Variants in ABCB4 observed in about 807,000 individuals in gnomAD.
The protein encoded by ABCB4 is phosphatidylcholine translocator ABCB4.
In ABCB4, 76 loss-of-function variants were observed where a neutral mutation model predicts 145.7. That is an observed-to-expected ratio of 0.52 (90% CI 0.43 to 0.63). The LOEUF (loss-of-function observed/expected upper bound fraction) is 0.63, where lower values mean the gene tolerates loss of function less well. Ranked by LOEUF, ABCB4 falls within the 30% of genes least tolerant of loss-of-function variation. The pLI is 0.00. For synonymous variants in ABCB4, 517 were observed against 566.8 expected, an observed-to-expected ratio of 0.91 and a Z score of 1.25; for missense variants, 1,234 against 1,553.1, an observed-to-expected ratio of 0.79 and a Z score of 3.45.
chr7:87,466,924 A>T (rs1373921461), intron 3 of ABCB4, among the ~76,000 whole-genome samples: 1 of 152,230 alleles, frequency 6.6e-6, no homozygotes, highest in Non-Finnish European at 1.5e-5. Context: ...AGGAACAGCC[A>T]GTACCAGTCA....
intron 3 of ABCB4, among the ~76,000 whole-genome samples, chr7:87,463,645 A>C (rs1237255946): frequency 1.3e-5 from 2 of 152,230 alleles, no homozygotes; most frequent in African/African-American, 2.4e-5. Context: ...GGAATGCTTA[A>C]GTAACCCCTG....
At chr7:87,463,058 C>T (rs1287004051) in intron 3 of ABCB4, 150 bp from the exon 4 acceptor site, 3 of 663,118 alleles carry the variant, frequency 4.5e-6, no homozygotes, top group Non-Finnish European at 7.8e-6. Flanking sequence ...AAATCATTAA[C>T]AACTTAATTT....
At position 87,417,358 on chromosome 7, in the gene ABCB4, G is replaced by A. The variant is rs1360614139; in HGVS notation, c.2636C>T (p.Ala879Val). The A allele has an allele frequency of 1.2e-6, 2 of 1,613,862 alleles. No individual in the cohort carries two copies. The highest frequency in any genetic ancestry group is 1.7e-6 in the Non-Finnish European group (2 of 1,179,994). ...TTTTTTATCTCTTTTGGCATTTCCA[G>A]CCAACAATTTCATTTCAACAATTCC... ...VSGIVEMKLL[A>V]GNAKRDKKEL... The change falls in exon 21 of 28, where the codon GCT (alanine) becomes GTT (valine). Residue 879 changes from alanine (A) to valine (V), a missense_variant. By Grantham distance (64) the Ala-to-Val change is moderately conservative. Around this residue, in one of 7 missense-constraint regions of ABCB4, gnomAD observed 301 missense variants for 389.0 expected, o/e 0.77. Transcript: ENST00000649586.
At chr7:87,367,826 C>T in the ABCB4 span, among the ~76,000 whole-genome samples, 1 of 152,154 alleles carries the variant, frequency 6.6e-6, no homozygotes, top group Admixed American at 6.5e-5. Context: ...AAGTATCAGG[C>T]CCCAGTCGAA....
intron 8 of ABCB4, among the ~76,000 whole-genome samples, chr7:87,449,470 T>C (rs372015683): frequency 1.3e-5 from 2 of 152,152 alleles, no homozygotes; most frequent in East Asian, 1.9e-4. Context: ...TTTTTTGTGA[T>C]AGAGGCTCAC....
chr7:87,408,001 A>T, intron 25 of ABCB4, 36 bp downstream of exon 25: 1 of 1,610,840 alleles, frequency 6.2e-7, no homozygotes, highest in Non-Finnish European at 8.5e-7. Flanking sequence ...CAATTAAAAT[A>T]TAGCCTTCAA....
chr7:87,457,081 A>G (rs1010130497), intron 4 of ABCB4, among the ~76,000 whole-genome samples: 10 of 152,134 alleles, frequency 6.6e-5, no homozygotes, highest in African/African-American at 1.4e-4. Flanking sequence ...CTCAAGCCCA[A>G]TGCAGCCAGA....
rs1187517509 is a variant in ABCB4, at chr7:87,408,092, T to A, written c.3224A>T (p.Lys1075Met). 3.7e-6 allele frequency: 6 copies of A among 1,614,230 alleles called. No homozygotes were observed. Among genetic ancestry groups the A allele is most frequent in the Non-Finnish European group, 5.1e-6 (6 of 1,180,024 alleles). Residue 1075 changes from lysine (K) to methionine (M), a missense_variant, in exon 25 of 28, where the codon AAG (lysine) becomes ATG (methionine). Transcript: ENST00000649586. Reference protein sequence around the residue: ...LALVGSSGCGKSTVVQLLERF... With the variant: ...LALVGSSGCGMSTVVQLLERF... ...CTCCAGGAGCTGGACCACCGTGCTC[T>A]TCCCACAGCCACTGCTGCCCACCAG...
At chr7:87,380,118 A>G in the ABCB4 span, among the ~76,000 whole-genome samples, 2 of 152,150 alleles carry the variant, frequency 1.3e-5, no homozygotes, top group Non-Finnish European at 2.9e-5. Context: ...CCCAAAAATA[A>G]TAATAAGAAG....
At position 87,408,135 on chromosome 7, in the gene ABCB4, T is replaced by C. The variant is rs1353077031; in HGVS notation, c.3181A>G (p.Lys1061Glu). 1 of 1,614,142 alleles carries C rather than the reference T, an allele frequency of 6.2e-7. No homozygotes were observed. The highest frequency in any genetic ancestry group is 8.5e-7 in the Non-Finnish European group (1 of 1,180,050). Residue 1061 changes from lysine (K) to glutamate (E), a missense_variant, in exon 25 of 28, where the codon AAA becomes GAA. Coordinates refer to ENST00000649586, the MANE Select transcript of ABCB4 (RefSeq NM_000443.4). ...VLQGLSLEVK[K>E]GQTLALVGSS... ...CCCACCAGGGCTAGTGTCTGGCCTTTCTTCACCTCCAGGCTCAGCCCCTGA... is the reference window on the plus strand; with the variant it reads ...CCCACCAGGGCTAGTGTCTGGCCTTCCTTCACCTCCAGGCTCAGCCCCTGA...
At chr7:87,432,867 T>A in intron 14 of ABCB4, among the ~76,000 whole-genome samples, 1 of 152,160 alleles carries the variant, frequency 6.6e-6, no homozygotes, top group South Asian at 2.1e-4. Context: ...ATGGCATGTG[T>A]TTGTATCTCA....
the ABCB4 span, chr7:87,392,753 C>G: frequency 6.2e-7 from 1 of 1,613,620 alleles, no homozygotes; most frequent in South Asian, 1.1e-5. Flanking sequence ...CCTTTTAGGT[C>G]TCTTACTCAT....
intron 9 of ABCB4, among the ~76,000 whole-genome samples, chr7:87,446,164 A>G (rs1811332812): frequency 6.6e-6 from 1 of 152,216 alleles, no homozygotes; most frequent in South Asian, 2.1e-4. Flanking sequence ...TGAAGATACC[A>G]CTGCATAAAG....
intron 19 of ABCB4, 101 bp downstream of exon 19, chr7:87,419,897 G>C (rs1809293983): frequency 7.9e-7 from 1 of 1,268,450 alleles, no homozygotes; most frequent in Non-Finnish European, 1.2e-6. Context: ...GAATACCCTG[G>C]GGGGAAAACA....
At chr7:87,396,096 C>T in the ABCB4 span, among the ~76,000 whole-genome samples, 4 of 152,002 alleles carry the variant, frequency 2.6e-5, no homozygotes, top group African/African-American at 4.8e-5. Context: ...AAGAGATTGT[C>T]GATATGGCAA....
intron 4 of ABCB4, 73 bp from the exon 5 acceptor site, chr7:87,454,665 C>A: frequency 3.6e-6 from 4 of 1,118,266 alleles, no homozygotes; most frequent in Non-Finnish European, 3.9e-6. Context: ...TTTTAAAAAT[C>A]TGTTAATAAT....
chr7:87,412,677 G>C (rs2116414816), intron 22 of ABCB4, among the ~76,000 whole-genome samples: 1 of 152,284 alleles, frequency 6.6e-6, no homozygotes, highest in East Asian at 1.9e-4. Flanking sequence ...TTGGCAAAAG[G>C]AAAAATTCAA....
At position 87,408,307 on chromosome 7, in the gene ABCB4, A is replaced by G. The variant is rs1393653980; in HGVS notation, c.3082-73T>C. ...TGGAATAAGAAATATTATTTCAAGG[A>G]AACTTTACCAAAGACTGTAGTAGAG... On this transcript the variant is annotated intron_variant, in intron 24 of 27. Transcript: ENST00000649586. The G allele has an allele frequency of 2.8e-6, 4 of 1,442,512 alleles. No homozygotes were observed. In the African/African-American group the frequency reaches 5.7e-5, roughly 20 times the overall value. 89.4% of individuals were successfully genotyped at this position (1,442,512 alleles called of 1,614,324 possible).
chr7:87,417,971 G>A (rs374728518), intron 20 of ABCB4, among the ~76,000 whole-genome samples: 1 of 152,226 alleles, frequency 6.6e-6, no homozygotes, highest in Non-Finnish European at 1.5e-5. Context: ...AATTAGTGTT[G>A]TACCACTCAG....
Sources: gnomAD v4.1 joint callset for allele counts (sites outside exome capture counted in the v4.1 genomes callset) on GRCh38, gnomAD v4.1.1 for gene constraint, gnomAD v4.1.1 regional missense constraint, MANE v1.5 for transcripts, NCBI Gene and HGNC (gene_info 2026-07-23, HGNC 2026-07-21) for gene names.